Variants in BEND5 observed in about 807,000 individuals in gnomAD.
The protein encoded by BEND5 is BEN domain-containing protein 5.
BEND5 carries 22 observed loss-of-function variants against 43.9 expected under a neutral mutation model. The ratio of observed to expected loss-of-function variants is 0.50; its 90% CI spans 0.36 to 0.72. BEND5 has a LOEUF of 0.72. Ranked by LOEUF, BEND5 falls within the 30% of genes least tolerant of loss-of-function variation. The pLI, the probability that BEND5 is intolerant of heterozygous loss-of-function variation, is 0.00. For missense variants in BEND5, 428 were observed against 550.6 expected, an observed-to-expected ratio of 0.78 and a Z score of 2.23; for synonymous variants, 228 against 225.9, an observed-to-expected ratio of 1.01 and a Z score of -0.08.
chr1:48,743,525 C>T (rs1650262887), intron 3 of BEND5, among the ~76,000 whole-genome samples: 1 of 152,158 alleles, frequency 6.6e-6, no homozygotes, highest in Non-Finnish European at 1.5e-5. Context: ...GTAAATAAGG[C>T]CAAATGACTT....
intron 5 of BEND5, among the ~76,000 whole-genome samples, chr1:48,728,648 A>G (rs1024142547): frequency 2.6e-5 from 4 of 152,180 alleles, no homozygotes; most frequent in African/African-American, 9.7e-5. Flanking sequence ...TGCAATTAAA[A>G]ACACTCTGGC....
chr1:48,733,848 C>A (rs1436274532), intron 5 of BEND5, among the ~76,000 whole-genome samples: 1 of 152,184 alleles, frequency 6.6e-6, no homozygotes, highest in Non-Finnish European at 1.5e-5. Flanking sequence ...TGAGTGCCTA[C>A]TATGTGCCAG....
At chr1:48,731,122 G>A (rs1469247143) in intron 5 of BEND5, among the ~76,000 whole-genome samples, 1 of 152,068 alleles carries the variant, frequency 6.6e-6, no homozygotes, top group Non-Finnish European at 1.5e-5. Context: ...AACAAAATCA[G>A]ACAAAATAAA....
intron 1 of BEND5, among the ~76,000 whole-genome samples, chr1:48,762,974 C>A (rs951141207): frequency 6.6e-6 from 1 of 152,014 alleles, no homozygotes; most frequent in African/African-American, 2.4e-5. Flanking sequence ...CAATAATTCA[C>A]GCAACCCACC....
intron 1 of BEND5, among the ~76,000 whole-genome samples, chr1:48,764,664 C>G (rs1644444859): frequency 2.0e-5 from 3 of 152,186 alleles, no homozygotes; most frequent in African/African-American, 7.2e-5. Flanking sequence ...GTCAGACAAC[C>G]TGGATTCCAA....
intron 1 of BEND5, among the ~76,000 whole-genome samples, chr1:48,768,990 G>A (rs565455562): frequency 6.6e-6 from 1 of 152,206 alleles, no homozygotes; most frequent in Non-Finnish European, 1.5e-5. Flanking sequence ...CTGTGGTGTT[G>A]CAGAAAGACA....
At chr1:48,775,455 A>G (rs1286173717) in intron 1 of BEND5, among the ~76,000 whole-genome samples, 1 of 152,204 alleles carries the variant, frequency 6.6e-6, no homozygotes, top group African/African-American at 2.4e-5. Context: ...GAAGGTCTCA[A>G]AATTACAAAA....
chr1:48,771,129 A>T (rs1422948437), intron 1 of BEND5, among the ~76,000 whole-genome samples: 1 of 152,228 alleles, frequency 6.6e-6, no homozygotes, highest in Non-Finnish European at 1.5e-5. Flanking sequence ...ATTTCCCTGG[A>T]GTATAAGACT....
intron 2 of BEND5, 139 bp from the exon 3 acceptor site, chr1:48,759,423 G>C (rs1570551412): frequency 7.4e-7 from 1 of 1,347,012 alleles, no homozygotes; most frequent in Non-Finnish European, 9.7e-7. Context: ...CAAACACTTA[G>C]TCAAAGCCCT....
intron 5 of BEND5, among the ~76,000 whole-genome samples, chr1:48,731,468 T>C (rs1277763171): frequency 6.6e-6 from 1 of 152,122 alleles, no homozygotes; most frequent in Non-Finnish European, 1.5e-5. Context: ...GAGGCAAAGA[T>C]ACAGTAAGAA....
chr1:48,773,329 A>C (rs1481237791), intron 1 of BEND5, among the ~76,000 whole-genome samples: 1 of 152,174 alleles, frequency 6.6e-6, no homozygotes, highest in East Asian at 1.9e-4. Context: ...TCTCCAAATG[A>C]GTAGTTCTCA....
At chr1:48,766,729 A>G (rs1400640870) in intron 1 of BEND5, among the ~76,000 whole-genome samples, 1 of 152,154 alleles carries the variant, frequency 6.6e-6, no homozygotes, top group Non-Finnish European at 1.5e-5. Flanking sequence ...GGCTCCTCTG[A>G]GAGTTAACCA....
chr1:48,771,746 A>C (rs1013607134), intron 1 of BEND5, among the ~76,000 whole-genome samples: 2 of 152,234 alleles, frequency 1.3e-5, no homozygotes, highest in African/African-American at 4.8e-5. Flanking sequence ...ACTTTGTAGA[A>C]GTTCCAAAGC....
chr1:48,747,215 T>A (rs1650910675), intron 3 of BEND5, among the ~76,000 whole-genome samples: 1 of 152,202 alleles, frequency 6.6e-6, no homozygotes, highest in African/African-American at 2.4e-5. Flanking sequence ...ACAAAAGAAC[T>A]TTTTTCACTT....
chr1:48,772,387 CAT>C (rs1208664657), intron 1 of BEND5, among the ~76,000 whole-genome samples: 4 of 152,206 alleles, frequency 2.6e-5, no homozygotes, highest in Non-Finnish European at 4.4e-5. Flanking sequence ...ACTTCTGTCA[CAT>C]GTCTACCTTC....
Position 48,768,194 on chromosome 1 carries a change from T to C in BEND5, c.227-6724A>G, listed in dbSNP as rs182034864. ...GGCACATGTAACATGAGTATGTCAA[T>C]ATAACTTCCTAAAGTGCCTGCCTTT... On this transcript the variant is annotated intron_variant, in intron 1 of 5. Transcript: ENST00000371833. Among the ~76,000 whole-genome samples the C allele has an allele frequency of 3.2e-3, 482 of 152,068 alleles. 2 individuals carry two copies. The highest frequency in any genetic ancestry group is 0.01 in the African/African-American group (430 of 41,474).
intron 2 of BEND5, chr1:48,761,074 A>G: frequency 2.8e-6 from 1 of 354,822 alleles, no homozygotes; most frequent in Non-Finnish European, 5.2e-6. Flanking sequence ...CACCGTTCCA[A>G]ACCTCCAACA....
chr1:48,733,269 A>C (rs973911141), intron 5 of BEND5, among the ~76,000 whole-genome samples: 2 of 152,152 alleles, frequency 1.3e-5, no homozygotes, highest in African/African-American at 4.8e-5. Flanking sequence ...AGCATAACTG[A>C]AGGAACAAGG....
At chr1:48,744,067 C>A (rs1434229999) in intron 3 of BEND5, among the ~76,000 whole-genome samples, 1 of 152,208 alleles carries the variant, frequency 6.6e-6, no homozygotes, top group African/African-American at 2.4e-5. Flanking sequence ...CCTGGCTACA[C>A]TATATTTTAA....
Sources: gnomAD v4.1 joint callset for allele counts (sites outside exome capture counted in the v4.1 genomes callset) on GRCh38, gnomAD v4.1.1 for gene constraint, MANE v1.5 for transcripts, NCBI Gene and HGNC (gene_info 2026-07-23, HGNC 2026-07-21) for gene names.